The following SRC variants were observed in gnomAD, a reference collection of about 807,000 sequenced individuals.
The protein encoded by SRC is proto-oncogene tyrosine-protein kinase Src.
A neutral mutation model predicts 62.9 loss-of-function variants in SRC; 13 were observed. The observed-to-expected ratio is 0.21, with a 90% CI of 0.13 to 0.33. The LOEUF is 0.33. Ranked by LOEUF, SRC falls within the 10% of genes least tolerant of loss-of-function variation. The pLI, the probability that SRC is intolerant of heterozygous loss-of-function variation, is 1.00. For synonymous variants in SRC, 302 were observed against 317.5 expected, an observed-to-expected ratio of 0.95 and a Z score of 0.52; for missense variants, 457 against 737.3, an observed-to-expected ratio of 0.62 and a Z score of 4.40.
intron 2 of SRC, among the ~76,000 whole-genome samples, chr20:37,378,161 CTT>C (rs770833912): frequency 2.4e-5 from 3 of 122,934 alleles, no homozygotes; most frequent in Non-Finnish European, 3.5e-5. Flanking sequence ...TCTTTCTTCT[CTT>C]TTTTTTTTTT....
At chr20:37,381,287 CA>C (rs879338017) in intron 2 of SRC, among the ~76,000 whole-genome samples, 2 of 152,142 alleles carry the variant, frequency 1.3e-5, no homozygotes, top group African/African-American at 2.4e-5. Context: ...GTGCAGGGGT[CA>C]GGGGTTGTGT....
intron 2 of SRC, among the ~76,000 whole-genome samples, chr20:37,368,538 T>C (rs1600973242): frequency 8.0e-6 from 1 of 125,038 alleles, no homozygotes; most frequent in African/African-American, 3.4e-5. Context: ...TTTTTTTTTT[T>C]TTTTTGTTTT....
In SRC at chr20:37,384,660, T is replaced by G. The variant is rs13043913; in HGVS notation, c.250+257T>G. 1 allele frequency among the ~76,000 whole-genome samples: 151,838 copies of G among 151,864 alleles called. 75,906 individuals carry two copies. Among genetic ancestry groups the G allele is most frequent in the Middle Eastern group, 1 (288 of 288 alleles). On this transcript the variant is annotated intron_variant, in intron 4 of 13. Transcript: ENST00000373578. This position sits in a 1 kb window ranked among gnomAD's most constrained non-coding sequence, Gnocchi z 6.7. ...GGTTAATGGGTTCTAATTGGACGCT[T>G]AAGCCCAAGAAGAAGAAGGGCGGCG...
chr20:37,379,260 C>G (rs2070325136), intron 2 of SRC, among the ~76,000 whole-genome samples: 1 of 152,102 alleles, frequency 6.6e-6, no homozygotes, highest in African/African-American at 2.4e-5. Flanking sequence ...GTGGGGCCCC[C>G]ACTGCTTCCC....
At chr20:37,370,346 G>T (rs748319415) in intron 2 of SRC, among the ~76,000 whole-genome samples, 1 of 152,220 alleles carries the variant, frequency 6.6e-6, no homozygotes, top group Non-Finnish European at 1.5e-5. Context: ...AGACCAAGGC[G>T]GGAGGATTGC....
intron 5 of SRC, among the ~76,000 whole-genome samples, chr20:37,387,656 G>A (rs191582195): frequency 6.6e-6 from 1 of 152,194 alleles, no homozygotes; most frequent in Non-Finnish European, 1.5e-5. Context: ...GTTTGTGTCT[G>A]CTTCCCCCCT....
At chr20:37,374,741 A>C in intron 2 of SRC, among the ~76,000 whole-genome samples, 1 of 151,078 alleles carries the variant, frequency 6.6e-6, no homozygotes, top group African/African-American at 2.4e-5. Context: ...CACCTGGCTT[A>C]TTTTTGTACT....
rs1054957245 is a variant in SRC, at chr20:37,397,612, T to A, written c.704-87T>A. On this transcript the variant is annotated intron_variant, in intron 8 of 13. Coordinates refer to ENST00000373578, the MANE Select transcript of SRC (RefSeq NM_198291.3). The surrounding 1 kb of genome is among the most constrained non-coding windows in gnomAD (Gnocchi z 4.1). ...GCGTGTCCCCTGAAATCTGTGTGCATCTGGCATGTAGGGCGACACACACTG... is the reference window on the plus strand; with the variant it reads ...GCGTGTCCCCTGAAATCTGTGTGCAACTGGCATGTAGGGCGACACACACTG... 3 of 1,438,356 alleles carry A rather than the reference T, an allele frequency of 2.1e-6. No homozygotes were observed. In the African/African-American group the frequency reaches 4.3e-5, roughly 21 times the overall value. 89.1% of individuals were successfully genotyped at this position (1,438,356 alleles called of 1,614,324 possible).
At chr20:37,353,799 C>T (rs897623808) in intron 1 of SRC, among the ~76,000 whole-genome samples, 1 of 152,196 alleles carries the variant, frequency 6.6e-6, no homozygotes, top group Non-Finnish European at 1.5e-5. Flanking sequence ...TTGATCAGCC[C>T]TCCAGCCCTC....
At chr20:37,367,336 T>G (rs1033678810) in intron 2 of SRC, among the ~76,000 whole-genome samples, 34 of 151,864 alleles carry the variant, frequency 2.2e-4, no homozygotes, top group Non-Finnish European at 1.0e-4. Context: ...CACCTCAGCC[T>G]CCCAAAGTGC....
At chr20:37,348,368 G>A (rs2146879573) in intron 1 of SRC, among the ~76,000 whole-genome samples, 1 of 152,302 alleles carries the variant, frequency 6.6e-6, no homozygotes, top group South Asian at 2.1e-4. Flanking sequence ...GACCTGTTGA[G>A]GGACCTTCTG....
intron 1 of SRC, among the ~76,000 whole-genome samples, chr20:37,363,189 G>A (rs1269105573): frequency 6.6e-6 from 1 of 152,208 alleles, no homozygotes; most frequent in Admixed American, 6.5e-5. Flanking sequence ...TTCTCTGACC[G>A]CCGGCTCCCA....
At chr20:37,365,911 A>T (rs2070056475) in intron 2 of SRC, among the ~76,000 whole-genome samples, 2 of 151,538 alleles carry the variant, frequency 1.3e-5, no homozygotes, top group Non-Finnish European at 2.9e-5. Context: ...TAGACAAATG[A>T]TAGCACACAC....
chr20:37,403,015 C>T lies in SRC; in HGVS notation c.1402+135C>T. On this transcript the variant is annotated intron_variant, in intron 13 of 13. Transcript: ENST00000373578. This position sits in a 1 kb window ranked among gnomAD's most constrained non-coding sequence, Gnocchi z 7.1. ...AGTTGAGCGTCTGATGTTAGGCTCT[C>T]TCGATGGTCCATGCTCTCAGCTTCG... 7.5e-7 allele frequency: 1 copy of T among 1,341,158 alleles called. No individual in the cohort carries two copies. The highest frequency in any genetic ancestry group is 1.0e-6 in the Non-Finnish European group (1 of 1,000,624). The allele number at this position is 1,341,158 out of a possible 1,614,324, so 83.1% of individuals were successfully genotyped here.
intron 2 of SRC, among the ~76,000 whole-genome samples, chr20:37,375,606 C>T (rs2070263925): frequency 6.6e-6 from 1 of 151,972 alleles, no homozygotes; most frequent in Non-Finnish European, 1.5e-5. Flanking sequence ...AACTCACGGG[C>T]TCCAGCAGTC....
chr20:37,379,191 G>A (rs960273565), intron 2 of SRC, among the ~76,000 whole-genome samples: 3 of 152,130 alleles, frequency 2.0e-5, no homozygotes, highest in South Asian at 4.1e-4. Context: ...CCCACGGTGA[G>A]GAGTGGCTTC....
At chr20:37,383,329 G>C (rs1464104316) in intron 3 of SRC, among the ~76,000 whole-genome samples, 2 of 152,220 alleles carry the variant, frequency 1.3e-5, no homozygotes, top group Admixed American at 6.5e-5. Context: ...TGAAGGCCCT[G>C]TGGCTGGAGT....
At chr20:37,393,295 C>T (rs752761036) in intron 5 of SRC, among the ~76,000 whole-genome samples, 2 of 152,216 alleles carry the variant, frequency 1.3e-5, no homozygotes, top group African/African-American at 4.8e-5. Flanking sequence ...AGGTGTGACC[C>T]GTGATTTGGG....
chr20:37,348,291 AG>A (rs953094959), intron 1 of SRC, among the ~76,000 whole-genome samples: 5 of 151,450 alleles, frequency 3.3e-5, no homozygotes, highest in African/African-American at 9.7e-5. Context: ...GATTGTGACC[AG>A]GGGGGTGGGG....
Sources: gnomAD v4.1 joint callset for allele counts (sites outside exome capture counted in the v4.1 genomes callset) on GRCh38, gnomAD v4.1.1 for gene constraint, Gnocchi (gnomAD v3.1) non-coding constraint, MANE v1.5 for transcripts, NCBI Gene and HGNC (gene_info 2026-07-23, HGNC 2026-07-21) for gene names.